ZBTB46: variants seen among roughly 807,000 people sequenced by gnomAD.
ZBTB46 encodes zinc finger and BTB domain-containing protein 46.
ZBTB46 carries 8 observed loss-of-function variants against 44.1 expected under a neutral mutation model. That is an observed-to-expected ratio of 0.18 (90% CI 0.11 to 0.33). The LOEUF is 0.33. ZBTB46 is among the 10% of genes least tolerant of loss of function. The pLI is 1.00. For missense variants in ZBTB46, 651 were observed against 847.7 expected (o/e 0.77, Z 2.88); for synonymous variants, 409 against 382.3 (o/e 1.07, Z -0.81).
At chr20:63,762,677 C>CA (rs767054579) in intron 3 of ZBTB46, among the ~76,000 whole-genome samples, 43 of 104,540 alleles carry the variant, frequency 4.1e-4, no homozygotes, top group South Asian at 1.4e-3. Flanking sequence ...AACAAACAAA[C>CA]AAAAAAAAAA....
intron 2 of ZBTB46, among the ~76,000 whole-genome samples, chr20:63,784,622 G>A (rs1464137195): frequency 2.0e-5 from 3 of 152,256 alleles, no homozygotes; most frequent in Admixed American, 2.0e-4. Context: ...TCCCTCCGCA[G>A]ATGAGAAGGA....
At chr20:63,821,439 G>GC (rs2092791808) in intron 1 of ZBTB46, among the ~76,000 whole-genome samples, 1 of 119,506 alleles carries the variant, frequency 8.4e-6, no homozygotes, top group African/African-American at 3.5e-5. Flanking sequence ...AAGCAGGCAC[G>GC]CTTTTTTTTT....
At chr20:63,818,728 GA>G (rs2092774100) in intron 1 of ZBTB46, among the ~76,000 whole-genome samples, 1 of 151,806 alleles carries the variant, frequency 6.6e-6, no homozygotes. Flanking sequence ...CATGGTGGCA[GA>G]CACCTGTAAT....
chr20:63,831,269 C>A (rs1370450059), upstream of ZBTB46: 2 of 139,130 alleles, frequency 1.4e-5, no homozygotes, highest in Non-Finnish European at 3.1e-5. Context: ...GCGCGCGCCC[C>A]CGCGCCCGCT....
intron 2 of ZBTB46, among the ~76,000 whole-genome samples, chr20:63,789,474 C>T (rs142472328): frequency 6.6e-6 from 1 of 152,350 alleles, no homozygotes; most frequent in Non-Finnish European, 1.5e-5. Flanking sequence ...CTGCAGGCCA[C>T]GCCCTCACCA....
At chr20:63,792,073 T>C (rs2092565452) in intron 1 of ZBTB46, among the ~76,000 whole-genome samples, 1 of 152,158 alleles carries the variant, frequency 6.6e-6, no homozygotes, top group Non-Finnish European at 1.5e-5. Context: ...TGTCCAAATG[T>C]CACCCTTTCA....
intron 4 of ZBTB46, among the ~76,000 whole-genome samples, chr20:63,749,732 C>T (rs1437763609): frequency 6.6e-6 from 1 of 152,174 alleles, no homozygotes; most frequent in Non-Finnish European, 1.5e-5. Flanking sequence ...GCACACAGGC[C>T]CAGGAAGGGT....
chr20:63,758,876 C>T (rs979243977), intron 3 of ZBTB46, among the ~76,000 whole-genome samples: 9 of 150,900 alleles, frequency 6.0e-5, no homozygotes, highest in East Asian at 3.9e-4. Context: ...GGACTACAGG[C>T]GCCCGCCACC....
Position 63,803,014 on chromosome 20 carries a change from C to G in ZBTB46, c.-33-12224G>C, listed in dbSNP as rs539415049. Among the ~76,000 whole-genome samples, 20 of 152,294 alleles carry G rather than the reference C, an allele frequency of 1.3e-4. No individual in the cohort carries two copies. The highest frequency in any genetic ancestry group is 4.8e-4 in the African/African-American group (20 of 41,558). On this transcript the variant is annotated intron_variant, in intron 1 of 4. Coordinates refer to ENST00000245663, the MANE Select transcript of ZBTB46 (RefSeq NM_001369741.1). The surrounding 1 kb of genome is among the most constrained non-coding windows in gnomAD (Gnocchi z 4.0). ...CAGGTCACTGACGCCCCGTTTCTAC[C>G]ACCAAAGAGCGCGATGCCACAGACG... is the stretch of plus-strand genomic sequence containing the variant.
In ZBTB46 at chr20:63,800,976, G is replaced by A. The variant is rs1057172532; in HGVS notation, c.-33-10186C>T. ...TGCAGCCCCAGTGCCGGATCCACTC[G>A]GTGAAGACAGCTGGGCTCCTGAGTC... On this transcript the variant is annotated intron_variant, in intron 1 of 4. Transcript: ENST00000245663. 6.6e-5 allele frequency among the ~76,000 whole-genome samples: 10 copies of A among 152,356 alleles called. No individual in the cohort carries two copies. In the South Asian group the frequency reaches 8.3e-4, roughly 13 times the overall value.
chr20:63,789,384 A>T (rs2092541013), intron 2 of ZBTB46, among the ~76,000 whole-genome samples: 1 of 152,208 alleles, frequency 6.6e-6, no homozygotes, highest in Non-Finnish European at 1.5e-5. Context: ...CTGGAGCTGA[A>T]GGCCACCCTG....
intron 3 of ZBTB46, among the ~76,000 whole-genome samples, chr20:63,764,293 G>A (rs1197243469): frequency 6.6e-6 from 1 of 152,108 alleles, no homozygotes; most frequent in Non-Finnish European, 1.5e-5. Context: ...AAAATCAGCT[G>A]GGCATGGTGG....
chr20:63,803,085 G>A lies in ZBTB46; in HGVS notation c.-33-12295C>T, dbSNP rs575468193. On this transcript the variant is annotated intron_variant, in intron 1 of 4. Coordinates refer to ENST00000245663, the MANE Select transcript of ZBTB46 (RefSeq NM_001369741.1). This position sits in a 1 kb window ranked among gnomAD's most constrained non-coding sequence, Gnocchi z 4.0. Reference sequence around the variant, plus strand: ...TCTGGGCAGCTCTGCCCACTCTTGCGAAGAAACCCACCAACCCGGCTCCCC... The same window carrying A: ...TCTGGGCAGCTCTGCCCACTCTTGCAAAGAAACCCACCAACCCGGCTCCCC... Among the ~76,000 whole-genome samples the A allele has an allele frequency of 2.0e-4, 30 of 152,168 alleles. No homozygotes were observed. The highest frequency in any genetic ancestry group is 6.2e-4 in the South Asian group (3 of 4,822).
intron 1 of ZBTB46, among the ~76,000 whole-genome samples, chr20:63,813,309 T>C (rs11697876): frequency 0.42 from 63,525 of 151,004 alleles, 13,832 homozygotes; most frequent in East Asian, 0.55. Context: ...ATTAGCCGGG[T>C]GTGGTGGAGC....
intron 3 of ZBTB46, among the ~76,000 whole-genome samples, chr20:63,759,116 C>T (rs1239516517): frequency 6.6e-6 from 1 of 152,158 alleles, no homozygotes; most frequent in Admixed American, 6.5e-5. Flanking sequence ...TTTAATTTCT[C>T]CCAGCAATAT....
intron 1 of ZBTB46, among the ~76,000 whole-genome samples, chr20:63,805,154 C>T (rs1175135691): frequency 6.6e-6 from 1 of 151,948 alleles, no homozygotes; most frequent in Non-Finnish European, 1.5e-5. Context: ...CTCTTGACCT[C>T]GTGATCCGCC....
intron 1 of ZBTB46, among the ~76,000 whole-genome samples, chr20:63,805,176 C>T (rs2092673683): frequency 6.6e-6 from 1 of 152,094 alleles, no homozygotes. Flanking sequence ...ACCTCGGCCT[C>T]CCAAAGTGCT....
intron 1 of ZBTB46, among the ~76,000 whole-genome samples, chr20:63,796,844 AAAAAT>A (rs1253508500): frequency 2.0e-5 from 3 of 151,982 alleles, no homozygotes; most frequent in Admixed American, 6.6e-5. Flanking sequence ...AAAATAAAAT[AAAAAT>A]AAAATAAAAT....
chr20:63,815,277 T>C, intron 1 of ZBTB46: 1 of 260,448 alleles, frequency 3.8e-6, no homozygotes, highest in Non-Finnish European at 7.3e-6. Flanking sequence ...ACCGGTGCAG[T>C]GAGTGCAGGT....
Sources: gnomAD v4.1 joint callset for allele counts (sites outside exome capture counted in the v4.1 genomes callset) on GRCh38, gnomAD v4.1.1 for gene constraint, Gnocchi (gnomAD v3.1) non-coding constraint, MANE v1.5 for transcripts, NCBI Gene and HGNC (gene_info 2026-07-23, HGNC 2026-07-21) for gene names.